Variants in CFAP74 observed in about 807,000 individuals in gnomAD.
The protein encoded by CFAP74 is cilia- and flagella-associated protein 74.
In CFAP74, 124 loss-of-function variants were observed where a neutral mutation model predicts 188.9. The observed-to-expected ratio is 0.66, with a 90% confidence interval of 0.57 to 0.76. The LOEUF (loss-of-function observed/expected upper bound fraction) is 0.76, where lower values mean the gene tolerates loss of function less well. CFAP74 is among the 30% of genes least tolerant of loss of function. The probability of loss-of-function intolerance (pLI) is 0.00; values close to 1 mark genes in which losing one functional copy is unlikely to be tolerated. For missense variants in CFAP74, 2,198 were observed against 2,165.2 expected (o/e 1.02, Z -0.30); for synonymous variants, 956 against 916.7 (o/e 1.04, Z -0.77).
chr1:1,955,393 A>G (rs750477307), intron 18 of CFAP74: 1 of 1,390,606 alleles, frequency 7.2e-7, no homozygotes, highest in South Asian at 1.2e-5. Context: ...TCCAGGGGGC[A>G]CCGCAGAGCC....
In CFAP74 at chr1:1,975,260, T is replaced by C. The variant is rs1382068711; in HGVS notation, c.501-1062A>G. Among the ~76,000 whole-genome samples, 1 of 152,214 alleles carries C rather than the reference T, an allele frequency of 6.6e-6. No homozygotes were observed. The highest frequency in any genetic ancestry group is 1.5e-5 in the Non-Finnish European group (1 of 68,038). ...TGGCCCTCCGTGAATAAAGTCTGCT[T>C]TACATCTTTTTGAAAAAATCATGAA... On this transcript the variant is annotated intron_variant, in intron 6 of 38. Transcript: ENST00000682832. This position sits in a 1 kb window ranked among gnomAD's most constrained non-coding sequence, Gnocchi z 4.5.
intron 1 of CFAP74, among the ~76,000 whole-genome samples, chr1:1,991,904 G>A (rs1023248354): frequency 2.4e-4 from 36 of 151,954 alleles, no homozygotes; most frequent in Middle Eastern, 3.4e-3. Context: ...GCCGGGCATG[G>A]TGGCAGGCGC....
chr1:1,994,712 T>C (rs374741142), intron 1 of CFAP74, among the ~76,000 whole-genome samples: 1 of 152,218 alleles, frequency 6.6e-6, no homozygotes, highest in Non-Finnish European at 1.5e-5. Flanking sequence ...AAGGTGTCAT[T>C]GCACACACAC....
Position 1,970,641 on chromosome 1 carries a change from C to T in CFAP74, c.1046+18G>A. The T allele has an allele frequency of 6.3e-7, 1 of 1,593,660 alleles. No individual in the cohort carries two copies. The highest frequency in any genetic ancestry group is 8.5e-7 in the Non-Finnish European group (1 of 1,170,070). The stretch of plus-strand genomic sequence containing the variant: ...CTGGGCGGGTGCCTCCCGGTGGCAC[C>T]TCTGCCACCACCCTCACCTCTTCTG... On this transcript the variant is annotated intron_variant, in intron 10 of 38. Transcript: ENST00000682832.
rs1570909053 is a variant in CFAP74 at position 1,956,673 on chromosome 1, G to A, written c.1963C>T (p.Leu655=). 1.2e-6 allele frequency: 2 copies of A among 1,614,156 alleles called. No homozygotes were observed. Among genetic ancestry groups the A allele is most frequent in the Non-Finnish European group, 1.7e-6 (2 of 1,180,024 alleles). The part of the protein sequence containing the change: ...VGGLGTTFKF[L]PASEPCEMDD... ...ATCTCACAGGGCTCTGAAGCTGGCA[G>A]GAACTTGAAAGTCGTGCCCAAGCCC... is the stretch of plus-strand genomic sequence containing the variant. Residue 655 remains leucine (L), a synonymous_variant, in exon 17 of 39, where the codon CTG becomes TTG. Coordinates refer to ENST00000682832, the MANE Select transcript of CFAP74 (RefSeq NM_001304360.2).
intron 25 of CFAP74, among the ~76,000 whole-genome samples, chr1:1,937,248 C>T (rs1652965024): frequency 1.3e-5 from 2 of 152,350 alleles, no homozygotes; most frequent in Middle Eastern, 3.4e-3. Context: ...AAGGAGCCAG[C>T]GTGGCTTTTG....
At chr1:1,998,593 G>A (rs1658037546) in intron 1 of CFAP74, among the ~76,000 whole-genome samples, 1 of 152,184 alleles carries the variant, frequency 6.6e-6, no homozygotes, top group South Asian at 2.1e-4. Context: ...TAAATAAATA[G>A]CCTGGGCGCG....
chr1:1,985,477 G>T lies in CFAP74; in HGVS notation c.409C>A (p.Arg137Ser). ...EEAGNMAAVG[R>S]LQAVSRRLFA... ...AGGCGTCTGGACACGGCCTGGAGGC[G>T]GCCCACAGCGGCCCTGCAGTGGTGA... Residue 137 changes from arginine to serine, a missense_variant, in exon 6 of 39, where the codon CGC (arginine) becomes AGC (serine). Arg to Ser is a moderately radical substitution (Grantham distance 110, BLOSUM62 -1). Coordinates refer to ENST00000682832, the MANE Select transcript of CFAP74 (RefSeq NM_001304360.2). 6.2e-7 allele frequency: 1 copy of T among 1,613,636 alleles called. No homozygotes were observed. Among genetic ancestry groups the T allele is most frequent in the South Asian group, 1.1e-5 (1 of 91,072 alleles).
In CFAP74 at chr1:1,955,749, C is replaced by G. The variant is rs1654572100; in HGVS notation, c.2118G>C (p.Met706Ile). Residue 706 changes from methionine to isoleucine, a missense_variant, in exon 18 of 39, where the codon ATG becomes ATC. Met to Ile is a conservative substitution (Grantham distance 10). Coordinates refer to ENST00000682832, the MANE Select transcript of CFAP74 (RefSeq NM_001304360.2). ...GCTTCTCCAGCTCCTTCCGGCTCTGCATGTCCGCCTGGGAGGACTCCGTGC... is the reference window on the plus strand; with the variant it reads ...GCTTCTCCAGCTCCTTCCGGCTCTGGATGTCCGCCTGGGAGGACTCCGTGC... ...LEGTESSQAD[M>I]QSRKELEKLD... 1 of 1,614,108 alleles carries G rather than the reference C, an allele frequency of 6.2e-7. No homozygotes were observed.
rs1166115683 is a variant in CFAP74 at position 1,935,206 on chromosome 1, C to T, written c.3011+3649G>A. Among the ~76,000 whole-genome samples, 6 of 53,316 alleles carry T rather than the reference C, an allele frequency of 1.1e-4. 1 individual carries two copies. Among genetic ancestry groups the T allele is most frequent in the African/African-American group, 3.6e-4 (5 of 13,774 alleles). 35.0% of individuals were successfully genotyped at this position (53,316 alleles called of 152,430 possible). ...GTTAGGTTGTGGGTACACACGTGTA[C>T]GTGGGTGTTGTAGGTACACACGTGT... is the stretch of plus-strand genomic sequence containing the variant. On this transcript the variant is annotated intron_variant, in intron 25 of 38. Coordinates refer to ENST00000682832, the MANE Select transcript of CFAP74 (RefSeq NM_001304360.2).
At chr1:1,991,848 G>C (rs1249132828) in intron 1 of CFAP74, among the ~76,000 whole-genome samples, 1 of 152,000 alleles carries the variant, frequency 6.6e-6, no homozygotes, top group East Asian at 1.9e-4. Flanking sequence ...GACTATCCTG[G>C]CTAGCACAGT....
chr1:1,971,162 C>G (rs1655995275), intron 9 of CFAP74, among the ~76,000 whole-genome samples: 1 of 151,890 alleles, frequency 6.6e-6, no homozygotes, highest in African/African-American at 2.4e-5. Context: ...CACCTGGACA[C>G]ACATGCACAC....
At chr1:1,955,436 G>C (rs773461497) in intron 18 of CFAP74, 2 of 1,516,222 alleles carry the variant, frequency 1.3e-6, no homozygotes, top group Non-Finnish European at 1.8e-6. Flanking sequence ...CGCCCGTGCT[G>C]GGCCTGCTGG....
intron 6 of CFAP74, among the ~76,000 whole-genome samples, chr1:1,982,255 C>T (rs1289055826): frequency 5.3e-5 from 6 of 113,256 alleles, no homozygotes; most frequent in East Asian, 2.7e-4. Context: ...TGGTCACACG[C>T]GGGGACACGC....
At position 1,968,922 on chromosome 1, in the gene CFAP74, G is replaced by A. The variant is rs913466010; in HGVS notation, c.1047-89C>T. The A allele has an allele frequency of 5.6e-6, 7 of 1,239,892 alleles. No homozygotes were observed. The highest frequency in any genetic ancestry group is 4.7e-5 in the African/African-American group (3 of 64,182). The allele number at this position is 1,239,892 out of a possible 1,614,324, so 76.8% of individuals were successfully genotyped here. A position where few individuals can be genotyped will look rare whatever the true frequency, so the allele number is the denominator to read the frequency against. ...GACAGTGCCCGGCGGCCCCTCCCTA[G>A]CGCCCTCCTGGGGGCTCCGGTCCTG... is the stretch of plus-strand genomic sequence containing the variant. On this transcript the variant is annotated intron_variant, in intron 10 of 38. Coordinates refer to ENST00000682832, the MANE Select transcript of CFAP74 (RefSeq NM_001304360.2). This position sits in a 1 kb window ranked among gnomAD's most constrained non-coding sequence, Gnocchi z 4.3.
In CFAP74 at chr1:1,959,966, T is replaced by C. The variant is rs1200120641; in HGVS notation, c.1759A>G (p.Met587Val). The change falls in exon 15 of 39, where the codon ATG (methionine) becomes GTG (valine). Residue 587 changes from methionine to valine, a missense_variant and splice_region_variant. Transcript: ENST00000682832. The part of the protein sequence containing the change: ...SCEVLVTFKP[M>V]INKDLEGNIS... ...GAGAACGGGCCCCTCTGACTCACCA[T>C]CGGCTTGAAGGTGACAAGCACTTCA... 6.3e-7 allele frequency: 1 copy of C among 1,588,534 alleles called. No homozygotes were observed. Among genetic ancestry groups the C allele is most frequent in the Non-Finnish European group, 8.6e-7 (1 of 1,168,708 alleles).
chr1:1,936,760 C>T (rs1442655139), intron 25 of CFAP74, among the ~76,000 whole-genome samples: 1 of 151,488 alleles, frequency 6.6e-6, no homozygotes, highest in Non-Finnish European at 1.5e-5. Flanking sequence ...AAAAGTTAGC[C>T]AGGCATGGTG....
At chr1:1,926,045 G>T (rs891119582) in intron 32 of CFAP74, 107 bp from the exon 33 acceptor site, 93 of 1,406,140 alleles carry the variant, frequency 6.6e-5, no homozygotes, top group Admixed American at 5.0e-4. Flanking sequence ...AGACAGCTCT[G>T]GGGGGGCTCT....
At position 1,930,091 on chromosome 1, in the gene CFAP74, G is replaced by C; in HGVS notation, c.3257C>G (p.Ser1086Trp). The part of the protein sequence containing the change: ...LLPPDSPITI[S>W]PSVGTVWPGK... ...TGGCCACACGGTCCCCACTGAGGGC[G>C]AGATGGTGATAGGCGAGTCTGGGGG... The change falls in exon 26 of 39, where the codon TCG becomes TGG. Residue 1086 changes from serine to tryptophan, a missense_variant. Ser to Trp is a radical substitution (Grantham distance 177). Coordinates refer to ENST00000682832, the MANE Select transcript of CFAP74 (RefSeq NM_001304360.2). The C allele has an allele frequency of 6.5e-7, 1 of 1,532,506 alleles. No homozygotes were observed. 94.9% of individuals were successfully genotyped at this position (1,532,506 alleles called of 1,614,324 possible).
Sources: allele counts gnomAD v4.1 joint callset (sites outside exome capture counted in the v4.1 genomes callset), GRCh38; gene constraint gnomAD v4.1.1; non-coding constraint Gnocchi (gnomAD v3.1); transcripts MANE v1.5; gene names NCBI Gene and HGNC (gene_info 2026-07-23, HGNC 2026-07-21).